Variants in ARHGAP6 observed in about 807,000 individuals in gnomAD.
ARHGAP6 encodes rho GTPase-activating protein 6.
ARHGAP6 carries 16 observed loss-of-function variants against 55.7 expected under a neutral mutation model. That is an observed-to-expected ratio of 0.29 (90% confidence interval 0.19 to 0.44). The LOEUF is 0.44. ARHGAP6 is among the 20% of genes least tolerant of loss of function. ARHGAP6 has a pLI of 1.00. For synonymous variants in ARHGAP6, 382 were observed against 360.9 expected (o/e 1.06, Z -0.66); for missense variants, 698 against 808.9 (o/e 0.86, Z 1.66).
chrX:11,573,506 C>T (rs1381451501), intron 1 of ARHGAP6, among the ~76,000 whole-genome samples: 25 of 108,701 alleles, frequency 2.3e-4, no homozygotes, highest in Admixed American at 2.0e-4. Context: ...AGATATGCGG[C>T]GTTATTTCTG....
At chrX:11,247,309 C>G (rs1035126089) in intron 2 of ARHGAP6, among the ~76,000 whole-genome samples, 5 of 112,227 alleles carry the variant, frequency 4.5e-5, no homozygotes, top group African/African-American at 1.6e-4. Flanking sequence ...AAGAAGAAAA[C>G]AGCTCTAAAG....
intron 8 of ARHGAP6, among the ~76,000 whole-genome samples, chrX:11,176,300 CATATATATATATATATATATATATAT>C (rs59647126): frequency 0.091 from 1,426 of 15,613 alleles, 111 homozygotes; most frequent in African/African-American, 0.16. Context: ...TATTTGCATG[CATATATATATATATATATATATATAT>C]ATATATATAT....
chrX:11,567,566 A>AAAAAAAAAAAAAAAAAATATATAT (rs1440758737), intron 1 of ARHGAP6, among the ~76,000 whole-genome samples: 4 of 84,409 alleles, frequency 4.7e-5, no homozygotes, highest in Admixed American at 1.2e-4. Context: ...AAAAAAAAAA[A>AAAAAAAAAAAAAAAAAATATATAT]ATATATATAT....
intron 1 of ARHGAP6, among the ~76,000 whole-genome samples, chrX:11,424,431 C>T (rs759262470): frequency 1.8e-5 from 2 of 112,466 alleles, no homozygotes; most frequent in Non-Finnish European, 3.8e-5. Flanking sequence ...ACTTCAAGAG[C>T]TTCTCTAGAA....
chrX:11,571,617 T>C (rs2051518061), intron 1 of ARHGAP6, among the ~76,000 whole-genome samples: 1 of 108,741 alleles, frequency 9.2e-6, no homozygotes, highest in South Asian at 4.1e-4. Context: ...AGGTGTAAAC[T>C]TGTAACCTCA....
At chrX:11,221,738 T>G (rs1006478) in intron 2 of ARHGAP6, among the ~76,000 whole-genome samples, 21,418 of 111,007 alleles carry the variant, frequency 0.19, 1,604 homozygotes, top group Middle Eastern at 0.29. Context: ...AGGTTTGGGG[T>G]TACATGTGCA....
chrX:11,245,533 C>T (rs1342272688), intron 2 of ARHGAP6, among the ~76,000 whole-genome samples: 1 of 112,104 alleles, frequency 8.9e-6, no homozygotes, highest in African/African-American at 3.2e-5. Flanking sequence ...TTTTTCCATA[C>T]TGATATTTTT....
Position 11,664,659 on chromosome X carries a change from G to T in ARHGAP6, c.170C>A (p.Ala57Glu), listed in dbSNP as rs759512379. 7.7e-6 allele frequency: 9 copies of T among 1,161,580 alleles called. No individual in the cohort carries two copies. The African/African-American group carries it at 1.4e-4, about 18-fold the overall frequency. Residue 57 changes from alanine (A) to glutamate (E), a missense_variant, in exon 1 of 13, where the codon GCG becomes GAG. Transcript: ENST00000337414. The stretch of plus-strand genomic sequence containing the variant: ...GAGGCGGCCCGCCGTGGCTCCCCGC[G>T]CACTGCCCTCCGCGCCCGCCTCGTC... ...GSDEAGAEGS[A>E]RGATAGRLYS...
chrX:11,311,184 G>A (rs2048295993), intron 1 of ARHGAP6, among the ~76,000 whole-genome samples: 1 of 112,131 alleles, frequency 8.9e-6, no homozygotes, highest in African/African-American at 3.2e-5. Context: ...AATGAAGGAA[G>A]CAGTCCAATG....
At chrX:11,379,090 G>C (rs920891951) in intron 1 of ARHGAP6, among the ~76,000 whole-genome samples, 3 of 112,409 alleles carry the variant, frequency 2.7e-5, no homozygotes, top group African/African-American at 9.7e-5. Flanking sequence ...CTCTAGGCTG[G>C]GCTTGGGTGG....
At chrX:11,349,425 A>C (rs1489363401) in intron 1 of ARHGAP6, among the ~76,000 whole-genome samples, 1 of 111,535 alleles carries the variant, frequency 9.0e-6, no homozygotes, top group Non-Finnish European at 1.9e-5. Flanking sequence ...GAAATAAAGT[A>C]CCATCAGGGC....
chrX:11,186,818 T>C (rs2046391886), intron 4 of ARHGAP6, among the ~76,000 whole-genome samples: 1 of 111,702 alleles, frequency 9.0e-6, no homozygotes, highest in African/African-American at 3.3e-5. Flanking sequence ...AACTCAACTA[T>C]GGCTCTAGGA....
intron 1 of ARHGAP6, among the ~76,000 whole-genome samples, chrX:11,636,409 T>C (rs965627119): frequency 1.8e-5 from 2 of 111,716 alleles, no homozygotes; most frequent in Admixed American, 9.5e-5. Context: ...CGCAGACTAA[T>C]AGCCAATTAG....
Position 11,176,083 on chromosome X carries a change from T to C in ARHGAP6, c.1629+2017A>G, listed in dbSNP as rs376077447. Among the ~76,000 whole-genome samples the C allele has an allele frequency of 2.7e-4, 27 of 100,524 alleles. No homozygotes were observed. The South Asian group carries it at 0.013, about 48-fold the overall frequency. 87.3% of individuals were successfully genotyped at this position (100,524 alleles called of 115,157 possible). A position where few individuals can be genotyped will look rare whatever the true frequency, so the allele number is the denominator to read the frequency against. On this transcript the variant is annotated intron_variant, in intron 8 of 12. Transcript: ENST00000337414. ...GGGGTCCATGGCACCTCCCCTAGAG[T>C]TGTGAAATGCACTAATATGCCACTC...
At chrX:11,184,853 A>C (rs1035454415) in intron 5 of ARHGAP6, among the ~76,000 whole-genome samples, 12 of 111,774 alleles carry the variant, frequency 1.1e-4, no homozygotes, top group African/African-American at 2.6e-4. Flanking sequence ...AGAAGCAATA[A>C]ATTAGGCAAT....
intron 1 of ARHGAP6, among the ~76,000 whole-genome samples, chrX:11,584,810 A>G (rs1349263081): frequency 2.8e-5 from 3 of 106,344 alleles, no homozygotes; most frequent in African/African-American, 1.0e-4. Context: ...ATAACTACAG[A>G]TGTGTAACAT....
chrX:11,532,952 T>C lies in ARHGAP6; in HGVS notation c.588+131289A>G, dbSNP rs534888986. 1.4e-3 allele frequency among the ~76,000 whole-genome samples: 158 copies of C among 112,050 alleles called. 2 individuals are homozygous for C. The South Asian group carries it at 0.054, about 38-fold the overall frequency. ...GAAGGCTGTCCACCAAATATCCTCA[T>C]TGGACTCTTACATAAGAGAGAAACA... On this transcript the variant is annotated intron_variant, in intron 1 of 12. Transcript: ENST00000337414.
chrX:11,550,045 G>A (rs1440450881), intron 1 of ARHGAP6, among the ~76,000 whole-genome samples: 2 of 112,075 alleles, frequency 1.8e-5, no homozygotes, highest in African/African-American at 6.5e-5. Context: ...TTGAATGAAT[G>A]AGTAAAAAAC....
chrX:11,577,121 C>G (rs767003711), intron 1 of ARHGAP6, among the ~76,000 whole-genome samples: 1 of 112,277 alleles, frequency 8.9e-6, no homozygotes, highest in East Asian at 2.8e-4. Flanking sequence ...ATCTCAAGAT[C>G]CTTAATTTAA....
Sources: allele counts gnomAD v4.1 joint callset (sites outside exome capture counted in the v4.1 genomes callset), GRCh38; gene constraint gnomAD v4.1.1; transcripts MANE v1.5; gene names NCBI Gene and HGNC (gene_info 2026-07-23, HGNC 2026-07-21).